The following PUF60 variants were observed in gnomAD, a reference collection of about 807,000 sequenced individuals.
PUF60 encodes the protein poly(U) binding splicing factor 60.
A neutral mutation model predicts 61.8 loss-of-function variants in PUF60; 10 were observed. That is an observed-to-expected ratio of 0.16 (90% CI 0.10 to 0.27). The LOEUF (loss-of-function observed/expected upper bound fraction) is 0.27. Among genes scored for constraint, PUF60 ranks in the 10% least tolerant of loss-of-function variants. The pLI is 1.00. For synonymous variants in PUF60, 353 were observed against 300.9 expected (o/e 1.17, Z -1.79); for missense variants, 371 against 754.0 (o/e 0.49, Z 5.95).
chr8:143,828,398 G>A (rs1273696468), intron 1 of PUF60, among the ~76,000 whole-genome samples: 1 of 152,236 alleles, frequency 6.6e-6, no homozygotes. Flanking sequence ...GGTCCAAAAG[G>A]GGATTAGGTC....
At chr8:143,821,537 G>T in intron 4 of PUF60, 60 bp downstream of exon 4, 1 of 1,379,632 alleles carries the variant, frequency 7.2e-7, no homozygotes, top group Non-Finnish European at 1.0e-6. Context: ...GGAAGAGCGT[G>T]AAGAGGAGGA....
chr8:143,828,141 G>A (rs991250072), intron 1 of PUF60, among the ~76,000 whole-genome samples: 1 of 152,200 alleles, frequency 6.6e-6, no homozygotes, highest in African/African-American at 2.4e-5. Flanking sequence ...GGCTGCCCTC[G>A]CAAGCTGGGT....
At chr8:143,821,303 G>T in intron 4 of PUF60, 1 of 562,896 alleles carries the variant, frequency 1.8e-6, no homozygotes, top group South Asian at 2.1e-5. Flanking sequence ...GGGAGCACGG[G>T]AGAGACCAGA....
chr8:143,816,854 A>C, intron 11 of PUF60, 35 bp from the exon 12 acceptor site: 1 of 1,601,820 alleles, frequency 6.2e-7, no homozygotes, highest in Non-Finnish European at 8.5e-7. Context: ...ACAGCTGAGC[A>C]CTGCGGCCCC....
intron 2 of PUF60, 50 bp downstream of exon 2, chr8:143,824,263 C>G: frequency 6.8e-7 from 1 of 1,461,080 alleles, no homozygotes; most frequent in East Asian, 2.7e-5. Context: ...GGCGGGCGGG[C>G]GGGCGGGCAG....
chr8:143,824,664 G>A, intron 1 of PUF60: 1 of 526,496 alleles, frequency 1.9e-6, no homozygotes, highest in South Asian at 2.4e-5. Flanking sequence ...AGGGTAGAGA[G>A]AGCTGTGCTC....
chr8:143,829,041 C>A, intron 1 of PUF60: 1 of 1,007,768 alleles, frequency 9.9e-7, no homozygotes, highest in South Asian at 4.5e-5. Flanking sequence ...ACGCCGCGCC[C>A]AGGCCCCCGC....
intron 5 of PUF60, 153 bp downstream of exon 5, chr8:143,820,513 G>A: frequency 1.1e-6 from 1 of 876,578 alleles, no homozygotes; most frequent in East Asian, 2.4e-5. Context: ...CCACACCACT[G>A]GCCCCACCAC....
At chr8:143,826,817 C>G (rs1176132467) in intron 1 of PUF60, among the ~76,000 whole-genome samples, 3 of 152,214 alleles carry the variant, frequency 2.0e-5, no homozygotes, top group Non-Finnish European at 4.4e-5. Flanking sequence ...GACGGCCTGT[C>G]TCCTAGGGCT....
intron 1 of PUF60, among the ~76,000 whole-genome samples, chr8:143,826,736 A>T (rs1394945780): frequency 6.6e-6 from 1 of 152,206 alleles, no homozygotes; most frequent in Admixed American, 6.5e-5. Context: ...AAAAGAAAAA[A>T]AAAATAATGT....
In PUF60 at chr8:143,818,803, T is replaced by G. The variant is rs1344476951; in HGVS notation, c.349-269A>C. ...AGACTGCGGCAGCAAAGCCGACAGA[T>G]GGTCAGGAGGCAGGGCTGTGCGCCC... On this transcript the variant is annotated intron_variant, in intron 5 of 11. Coordinates refer to ENST00000526683, the MANE Select transcript of PUF60 (RefSeq NM_078480.3). The surrounding 1 kb of genome is among the most constrained non-coding windows in gnomAD (Gnocchi z 7.9). 1.5e-5 allele frequency: 8 copies of G among 529,074 alleles called. No homozygotes were observed. The East Asian group carries it at 2.5e-4, about 16-fold the overall frequency. The allele number at this position is 529,074 out of a possible 1,614,324, so 32.8% of individuals were successfully genotyped here.
intron 1 of PUF60, among the ~76,000 whole-genome samples, chr8:143,828,240 G>A (rs759185833): frequency 6.6e-6 from 1 of 152,238 alleles, no homozygotes; most frequent in African/African-American, 2.4e-5. Flanking sequence ...GCCTGGCAAT[G>A]GCAGTCTAAG....
chr8:143,816,422 G>C lies in PUF60; in HGVS notation c.*98C>G. 7.4e-7 allele frequency: 1 copy of C among 1,355,868 alleles called. No homozygotes were observed. 84.0% of individuals were successfully genotyped at this position (1,355,868 alleles called of 1,614,324 possible). A position where few individuals can be genotyped will look rare whatever the true frequency, so the allele number is the denominator to read the frequency against. On this transcript the variant is annotated 3_prime_UTR_variant, in exon 12 of 12. Coordinates refer to ENST00000526683, the MANE Select transcript of PUF60 (RefSeq NM_078480.3). ...CACCTTTATCCGCACTGTAGGCTGG[G>C]CTGGGCAGAGCGCGCCTGGCCCCGG...
chr8:143,816,444 C>T lies in PUF60; in HGVS notation c.*76G>A. ...TGGGCTGGGCAGAGCGCGCCTGGCC[C>T]CGGGGACACCACTGTATCACTATAA... On this transcript the variant is annotated 3_prime_UTR_variant, in exon 12 of 12. Transcript: ENST00000526683. 6.6e-7 allele frequency: 1 copy of T among 1,507,640 alleles called. No homozygotes were observed. Among genetic ancestry groups the T allele is most frequent in the Non-Finnish European group, 8.9e-7 (1 of 1,124,948 alleles). 93.4% of individuals were successfully genotyped at this position (1,507,640 alleles called of 1,614,324 possible).
At chr8:143,827,059 A>G (rs1243477758) in intron 1 of PUF60, 1 of 313,728 alleles carries the variant, frequency 3.2e-6, no homozygotes, top group Non-Finnish European at 6.2e-6. Context: ...TGAGCGCTGC[A>G]GAGGCCGCAG....
At position 143,816,529 on chromosome 8, in the gene PUF60, G is replaced by A. The variant is rs373820019; in HGVS notation, c.1671C>T (p.Leu557=). 10 of 1,608,790 alleles carry A rather than the reference G, an allele frequency of 6.2e-6. No homozygotes were observed. In the East Asian group the frequency reaches 1.1e-4, roughly 18 times the overall value. Residue 557 remains leucine, a synonymous_variant, in exon 12 of 12, where the codon CTC becomes CTT. Transcript: ENST00000526683. The part of the protein sequence containing the change: ...YDQERFDNSD[L]SA ...GGGAGAGGGACCACTGTCACGCAGA[G>A]AGGTCACTGTTATCAAAACGCTCCT...
intron 1 of PUF60, chr8:143,827,519 T>G (rs1817767372): frequency 2.2e-6 from 1 of 452,634 alleles, no homozygotes; most frequent in African/African-American, 2.0e-5. Flanking sequence ...AGCTGCTCCA[T>G]TCAACCTCCC....
At chr8:143,827,684 G>C (rs2130443842) in intron 1 of PUF60, 1 of 321,074 alleles carries the variant, frequency 3.1e-6, no homozygotes, top group South Asian at 2.3e-5. Context: ...CCTGGAGCCG[G>C]ATGCAAGCCT....
Position 143,821,719 on chromosome 8 carries a change from C to T in PUF60, c.208-33G>A, listed in dbSNP as rs778183921. On this transcript the variant is annotated intron_variant, in intron 3 of 11. Transcript: ENST00000526683. Reference sequence around the variant, plus strand: ...AGGCGGCAGTGAGGAGCACTGGGGGCCCAGCCCATGGGAGACAGGCCTGCC... The same window carrying T: ...AGGCGGCAGTGAGGAGCACTGGGGGTCCAGCCCATGGGAGACAGGCCTGCC... 3 of 1,546,402 alleles carry T rather than the reference C, an allele frequency of 1.9e-6. No individual in the cohort carries two copies. The South Asian group carries it at 3.6e-5, about 18-fold the overall frequency.
Sources: allele counts gnomAD v4.1 joint callset (sites outside exome capture counted in the v4.1 genomes callset), GRCh38; gene constraint gnomAD v4.1.1; non-coding constraint Gnocchi (gnomAD v3.1); transcripts MANE v1.5; gene names NCBI Gene and HGNC (gene_info 2026-07-23, HGNC 2026-07-21).